The following EPHX2 variants were observed in gnomAD, a reference collection of about 807,000 sequenced individuals.
The protein encoded by EPHX2 is bifunctional epoxide hydrolase 2.
A neutral mutation model predicts 78.7 loss-of-function variants in EPHX2; 74 were observed. The ratio of observed to expected loss-of-function variants is 0.94; its 90% confidence interval spans 0.78 to 1.14. The LOEUF (loss-of-function observed/expected upper bound fraction) is 1.14, where lower values mean the gene tolerates loss of function less well. EPHX2 is among the 50% of genes most tolerant of loss of function. The pLI is 0.00. For missense variants in EPHX2, 715 were observed against 702.5 expected, an observed-to-expected ratio of 1.02 and a Z score of -0.20; for synonymous variants, 251 against 255.2, an observed-to-expected ratio of 0.98 and a Z score of 0.16.
rs148601846 is a variant in EPHX2, at chr8:27,516,409, T to G, written c.910+11T>G. On this transcript the variant is annotated intron_variant, in intron 8 of 18. Transcript: ENST00000521400. ...CATCTGCTCCTCCCGGTGGGTGTGC[T>G]GTCTTGCAGCTGTCTTATGCTGGTC... The G allele has an allele frequency of 4.9e-3, 7,890 of 1,613,290 alleles. 21 individuals are homozygous for G. The highest frequency in any genetic ancestry group is 6.1e-3 in the Non-Finnish European group (7,226 of 1,179,306).
intron 6 of EPHX2, among the ~76,000 whole-genome samples, chr8:27,512,448 C>T (rs1814288587): frequency 6.6e-6 from 1 of 152,234 alleles, no homozygotes; most frequent in Non-Finnish European, 1.5e-5. Flanking sequence ...ACAGACCTGT[C>T]CTCAAGGAGC....
At chr8:27,521,797 G>A (rs72475876) in intron 10 of EPHX2, among the ~76,000 whole-genome samples, 266 of 152,346 alleles carry the variant, frequency 1.7e-3, no homozygotes, top group Admixed American at 4.7e-3. Context: ...TGCTGCCAGT[G>A]GGGTCAGTGT....
chr8:27,508,945 G>GTTTTTT (rs1563345444), intron 5 of EPHX2, among the ~76,000 whole-genome samples: 2 of 89,244 alleles, frequency 2.2e-5, no homozygotes, highest in Admixed American at 1.1e-4. Context: ...CCCCCATCCT[G>GTTTTTT]CTTTTTTTTT....
chr8:27,544,040 T>A, intron 17 of EPHX2, 146 bp from the exon 18 acceptor site: 1 of 1,075,972 alleles, frequency 9.3e-7, no homozygotes, highest in Non-Finnish European at 1.4e-6. Flanking sequence ...TCTCATTCAT[T>A]CATTATTCCC....
At chr8:27,533,561 G>C (rs144262192) in intron 12 of EPHX2, among the ~76,000 whole-genome samples, 220 of 152,284 alleles carry the variant, frequency 1.4e-3, no homozygotes, top group African/African-American at 5.1e-3. Flanking sequence ...ACTTTTATGT[G>C]AGTGAACAGA....
chr8:27,491,997 T>C (rs185931781), intron 1 of EPHX2, among the ~76,000 whole-genome samples: 3 of 151,936 alleles, frequency 2.0e-5, no homozygotes, highest in Admixed American at 6.6e-5. Context: ...ATAAACAATG[T>C]ATTATTCCCA....
chr8:27,533,120 GAAT>G (rs962649127), intron 12 of EPHX2, among the ~76,000 whole-genome samples: 3 of 151,930 alleles, frequency 2.0e-5, no homozygotes, highest in Non-Finnish European at 2.9e-5. Context: ...GTCTCTAAAC[GAAT>G]AATAATAATA....
At chr8:27,529,473 G>A (rs1292974710) in intron 12 of EPHX2, among the ~76,000 whole-genome samples, 1 of 152,150 alleles carries the variant, frequency 6.6e-6, no homozygotes, top group Non-Finnish European at 1.5e-5. Context: ...AGGATATCCT[G>A]TGAACCCTGC....
chr8:27,509,547 C>T (rs774881602), intron 5 of EPHX2, among the ~76,000 whole-genome samples: 9 of 152,020 alleles, frequency 5.9e-5, no homozygotes, highest in Non-Finnish European at 7.4e-5. Flanking sequence ...CAGGATCAAG[C>T]GATTTCTGGC....
chr8:27,525,345 G>A lies in EPHX2; in HGVS notation c.1059-17G>A, dbSNP rs1164195152. 6 of 1,610,990 alleles carry A rather than the reference G, an allele frequency of 3.7e-6. No homozygotes were observed. Among genetic ancestry groups the A allele is most frequent in the South Asian group, 1.1e-5 (1 of 91,000 alleles). ...CTTCTTACAGGGGCTATGTCTTGCT[G>A]CCTCTTATTTCTGTAGGGCGGTGGC... On this transcript the variant is annotated splice_polypyrimidine_tract_variant and intron_variant, in intron 11 of 18. Coordinates refer to ENST00000521400, the MANE Select transcript of EPHX2 (RefSeq NM_001979.6).
chr8:27,521,044 C>A, intron 10 of EPHX2, 135 bp downstream of exon 10: 2 of 953,408 alleles, frequency 2.1e-6, no homozygotes, highest in Non-Finnish European at 1.7e-6. Context: ...GCAGAGTGGG[C>A]ATGGGCAGGG....
At chr8:27,502,856 ACT>A (rs1304563166) in intron 2 of EPHX2, among the ~76,000 whole-genome samples, 1 of 152,110 alleles carries the variant, frequency 6.6e-6, no homozygotes, top group Non-Finnish European at 1.5e-5. Flanking sequence ...ACATCATGAG[ACT>A]CTGGGGGCTA....
chr8:27,522,723 G>A (rs1814692179), intron 11 of EPHX2, among the ~76,000 whole-genome samples: 1 of 151,858 alleles, frequency 6.6e-6, no homozygotes, highest in African/African-American at 2.4e-5. Context: ...TTTTTGGGAG[G>A]CCAAGGTGGG....
chr8:27,516,541 C>T (rs956024145), intron 8 of EPHX2, 143 bp downstream of exon 8: 11 of 746,336 alleles, frequency 1.5e-5, no homozygotes, highest in Admixed American at 2.4e-5. Flanking sequence ...TCCTCTCCTA[C>T]GGTGCCCTGT....
At chr8:27,500,365 T>C (rs1443582978) in intron 1 of EPHX2, among the ~76,000 whole-genome samples, 1 of 152,184 alleles carries the variant, frequency 6.6e-6, no homozygotes, top group Non-Finnish European at 1.5e-5. Context: ...CTCTACAGCC[T>C]GCAGAACCAT....
At position 27,511,488 on chromosome 8, in the gene EPHX2, A is replaced by C. The variant is rs142052356; in HGVS notation, c.661-348A>C. Among the ~76,000 whole-genome samples the C allele has an allele frequency of 2.0e-4, 30 of 152,346 alleles. 1 individual carries two copies. The East Asian group carries it at 5.8e-3, about 29-fold the overall frequency. On this transcript the variant is annotated intron_variant, in intron 5 of 18. Coordinates refer to ENST00000521400, the MANE Select transcript of EPHX2 (RefSeq NM_001979.6). The stretch of plus-strand genomic sequence containing the variant: ...GATGATGGAGGATGCACTGTCTTCT[A>C]CCTGTGGTTTTTGAGGTCACACTGG...
intron 9 of EPHX2, among the ~76,000 whole-genome samples, chr8:27,520,031 A>G (rs1164825009): frequency 3.3e-5 from 5 of 149,382 alleles, no homozygotes; most frequent in East Asian, 1.9e-4. Context: ...AATAAGCAAC[A>G]GGGTCTCCTT....
intron 12 of EPHX2, among the ~76,000 whole-genome samples, chr8:27,532,411 C>T (rs1815075602): frequency 6.6e-6 from 1 of 152,232 alleles, no homozygotes; most frequent in African/African-American, 2.4e-5. Flanking sequence ...TTCCTGCCTG[C>T]TCTGGATAGG....
At chr8:27,513,378 T>TG (rs1352298541) in intron 6 of EPHX2, among the ~76,000 whole-genome samples, 1 of 152,152 alleles carries the variant, frequency 6.6e-6, no homozygotes, top group Non-Finnish European at 1.5e-5. Flanking sequence ...CGCCCAGGGC[T>TG]GGGGGCTGGA....
Sources: allele counts gnomAD v4.1 joint callset (sites outside exome capture counted in the v4.1 genomes callset), GRCh38; gene constraint gnomAD v4.1.1; transcripts MANE v1.5; gene names NCBI Gene and HGNC (gene_info 2026-07-23, HGNC 2026-07-21).